The following TNS3 variants were observed in gnomAD, a reference collection of about 807,000 sequenced individuals.
TNS3 encodes tensin 3.
A neutral mutation model predicts 140.9 loss-of-function variants in TNS3; 45 were observed. That is an observed-to-expected ratio of 0.32 (90% CI 0.25 to 0.41). The LOEUF is 0.41. TNS3 is among the 10% of genes least tolerant of loss of function. The pLI is 1.00. For synonymous variants in TNS3, 815 were observed against 788.4 expected (o/e 1.03, Z -0.56); for missense variants, 1,716 against 1,906.7 (o/e 0.90, Z 1.86).
intron 28 of TNS3, 57 bp from the exon 29 acceptor site, chr7:47,280,411 G>C (rs1414129964): frequency 5.3e-6 from 8 of 1,523,430 alleles, no homozygotes; most frequent in Middle Eastern, 3.4e-4. Context: ...TTGGGTGATG[G>C]GGGATGCACT....
At chr7:47,520,472 C>T (rs552239490) in intron 2 of TNS3, among the ~76,000 whole-genome samples, 2 of 152,282 alleles carry the variant, frequency 1.3e-5, no homozygotes, top group Admixed American at 6.5e-5. Flanking sequence ...ACAACCCAGA[C>T]GTCCCTGGCA....
intron 17 of TNS3, among the ~76,000 whole-genome samples, chr7:47,349,673 T>C (rs1177125375): frequency 6.6e-6 from 1 of 152,166 alleles, no homozygotes; most frequent in African/African-American, 2.4e-5. Flanking sequence ...CTGTGGGGTG[T>C]GGAGATCCCT....
chr7:47,290,283 C>A (rs1268406197), intron 27 of TNS3, among the ~76,000 whole-genome samples: 1 of 152,192 alleles, frequency 6.6e-6, no homozygotes, highest in Non-Finnish European at 1.5e-5. Context: ...ACTATAAAAT[C>A]TAGCTGGCCT....
intron 4 of TNS3, among the ~76,000 whole-genome samples, chr7:47,454,900 A>C (rs1796183499): frequency 6.6e-6 from 1 of 152,190 alleles, no homozygotes. Flanking sequence ...GGAGTCTGAA[A>C]GTGCCCTGCA....
At chr7:47,381,972 C>T (rs967823468) in intron 16 of TNS3, among the ~76,000 whole-genome samples, 1 of 152,146 alleles carries the variant, frequency 6.6e-6, no homozygotes. Context: ...GTGAATACAA[C>T]GCAATGAATG....
At chr7:47,400,578 C>T (rs1292440335) in intron 14 of TNS3, 120 bp from the exon 15 acceptor site, 2 of 1,251,528 alleles carry the variant, frequency 1.6e-6, no homozygotes, top group Admixed American at 2.0e-5. Context: ...ATAAAGACAC[C>T]CCATGATACA....
intron 2 of TNS3, among the ~76,000 whole-genome samples, chr7:47,528,232 C>T (rs1423080241): frequency 6.6e-6 from 1 of 152,170 alleles, no homozygotes; most frequent in African/African-American, 2.4e-5. Context: ...GGTTTGACTG[C>T]GTGCATCGTT....
In TNS3 at chr7:47,425,953, A is replaced by G. The variant is rs551673269; in HGVS notation, c.390-1769T>C. Among the ~76,000 whole-genome samples, 19 of 152,250 alleles carry G rather than the reference A, an allele frequency of 1.2e-4. No individual in the cohort carries two copies. In the South Asian group the frequency reaches 2.9e-3, roughly 23 times the overall value. On this transcript the variant is annotated intron_variant, in intron 9 of 30. Transcript: ENST00000311160. Reference sequence around the variant, plus strand: ...GAACATTGTAGAAATGATCAAAAATATATGTATAAGAATGTGTTCATCATG... The same window carrying G: ...GAACATTGTAGAAATGATCAAAAATGTATGTATAAGAATGTGTTCATCATG...
chr7:47,559,387 A>C (rs911312424), intron 1 of TNS3, among the ~76,000 whole-genome samples: 5 of 152,124 alleles, frequency 3.3e-5, no homozygotes, highest in African/African-American at 1.2e-4. Flanking sequence ...ACATCAAGAC[A>C]CATGTTCAGA....
At position 47,312,125 on chromosome 7, in the gene TNS3, AGTT is replaced by A. The variant is rs555404971; in HGVS notation, c.2651-7125_2651-7123del. ...TCAAGGCCAGGCCTGGCAAATGCTC[AGTT>A]TGTGTCATGAATACATGTGCACGTT... On this transcript the variant is annotated intron_variant, in intron 20 of 30. Transcript: ENST00000311160. Among the ~76,000 whole-genome samples the A allele has an allele frequency of 9.7e-4, 147 of 152,294 alleles. 3 individuals carry two copies. The East Asian group carries it at 0.026, about 27-fold the overall frequency.
chr7:47,370,328 C>A (rs2462626), intron 16 of TNS3, among the ~76,000 whole-genome samples: 30,002 of 152,046 alleles, frequency 0.2, 3,756 homozygotes, highest in Non-Finnish European at 0.28. Context: ...AATGTCAATA[C>A]GAAATTCAAT....
chr7:47,524,618 A>G (rs34407403), intron 2 of TNS3, among the ~76,000 whole-genome samples: 4 of 149,390 alleles, frequency 2.7e-5, no homozygotes, highest in Non-Finnish European at 5.9e-5. Context: ...CTGGCTAACA[A>G]GGTGAAACCC....
At chr7:47,321,459 T>C (rs752737353) in intron 20 of TNS3, among the ~76,000 whole-genome samples, 57 of 152,208 alleles carry the variant, frequency 3.7e-4, no homozygotes, top group Non-Finnish European at 6.6e-4. Flanking sequence ...CCACCAGCAC[T>C]ACTGAAATGC....
At position 47,324,113 on chromosome 7, in the gene TNS3, C is replaced by T. The variant is rs376867280; in HGVS notation, c.2651-19110G>A. Among the ~76,000 whole-genome samples, 5 of 152,314 alleles carry T rather than the reference C, an allele frequency of 3.3e-5. No individual in the cohort carries two copies. In the East Asian group the frequency reaches 9.6e-4, roughly 29 times the overall value. On this transcript the variant is annotated intron_variant, in intron 20 of 30. Transcript: ENST00000311160. ...CCTCTTTCCCCTCCTGACCTGGCTG[C>T]CTGTTTTGTCTGGCACCAAAGTTCC...
intron 2 of TNS3, among the ~76,000 whole-genome samples, chr7:47,520,022 T>C (rs1169372724): frequency 2.6e-5 from 4 of 151,848 alleles, no homozygotes; most frequent in Non-Finnish European, 4.4e-5. Flanking sequence ...AGACGGGGTT[T>C]CACCATGTTA....
chr7:47,518,504 CT>C (rs1798856428), intron 2 of TNS3, among the ~76,000 whole-genome samples: 2 of 152,152 alleles, frequency 1.3e-5, no homozygotes, highest in South Asian at 4.1e-4. Context: ...TTCTCTCTTT[CT>C]TTCCACGTAA....
chr7:47,581,257 C>T (rs1473040203), intron 1 of TNS3, among the ~76,000 whole-genome samples: 2 of 152,032 alleles, frequency 1.3e-5, no homozygotes, highest in Admixed American at 1.3e-4. Context: ...TGCTTGTCAG[C>T]GACAGCTCCC....
In TNS3 at chr7:47,389,068, A is replaced by AAGAG. The variant is rs1562675020; in HGVS notation, c.1024+7731_1024+7732insCTCT. ...AAGAAGAAGAAGAAGAAGAAGAAGA[A>AAGAG]GAAGAAGAAGAAGAAGAGGAAGAGG... On this transcript the variant is annotated intron_variant, in intron 16 of 30. Coordinates refer to ENST00000311160, the MANE Select transcript of TNS3 (RefSeq NM_022748.12). Among the ~76,000 whole-genome samples the AAGAG allele has an allele frequency of 3.0e-4, 18 of 59,840 alleles. 1 individual carries two copies. The highest frequency in any genetic ancestry group is 2.0e-3 in the South Asian group (2 of 1,022). 39.3% of individuals were successfully genotyped at this position (59,840 alleles called of 152,430 possible). A position where few individuals can be genotyped will look rare whatever the true frequency, so the allele number is the denominator to read the frequency against.
intron 23 of TNS3, among the ~76,000 whole-genome samples, chr7:47,300,622 T>C (rs1328759108): frequency 6.6e-6 from 1 of 152,198 alleles, no homozygotes; most frequent in Non-Finnish European, 1.5e-5. Context: ...CATTGCACAA[T>C]GAGAGAAGGG....
Sources: gnomAD v4.1 joint callset for allele counts (sites outside exome capture counted in the v4.1 genomes callset) on GRCh38, gnomAD v4.1.1 for gene constraint, MANE v1.5 for transcripts, NCBI Gene and HGNC (gene_info 2026-07-23, HGNC 2026-07-21) for gene names.